PHACTR2: variants seen among roughly 807,000 people sequenced by gnomAD.
PHACTR2 encodes the protein chromosome 6 open reading frame 56.
In PHACTR2, 30 loss-of-function variants were observed where a neutral mutation model predicts 76.0. That is an observed-to-expected ratio of 0.39 (90% CI 0.30 to 0.54). The LOEUF is 0.54. Among genes scored for constraint, PHACTR2 ranks in the 20% least tolerant of loss-of-function variants. The pLI is 0.61. For synonymous variants in PHACTR2, 292 were observed against 292.5 expected, an observed-to-expected ratio of 1.00 and a Z score of 0.02; for missense variants, 696 against 781.1, an observed-to-expected ratio of 0.89 and a Z score of 1.30.
At position 143,678,024 on chromosome 6, in the gene PHACTR2, G is replaced by A; in HGVS notation, c.-140G>A. ...CCGGCCGGGCTGGGAGACCCGCGCG[G>A]GGTAGAAGGTGAGGGGACCCGGCGG... On this transcript the variant is annotated 5_prime_UTR_variant, in exon 1 of 13. Coordinates refer to ENST00000440869, the MANE Select transcript of PHACTR2 (RefSeq NM_001100164.2). This position sits in a 1 kb window ranked among gnomAD's most constrained non-coding sequence, Gnocchi z 6.2. 1.3e-6 allele frequency: 2 copies of A among 1,506,320 alleles called. No individual in the cohort carries two copies. Among genetic ancestry groups the A allele is most frequent in the South Asian group, 2.5e-5 (2 of 80,892 alleles). The allele number at this position is 1,506,320 out of a possible 1,614,324, so 93.3% of individuals were successfully genotyped here. A position where few individuals can be genotyped will look rare whatever the true frequency, so the allele number is the denominator to read the frequency against.
At chr6:143,613,912 G>C (rs1776020336) in intron 1 of PHACTR2, among the ~76,000 whole-genome samples, 1 of 152,076 alleles carries the variant, frequency 6.6e-6, no homozygotes, top group African/African-American at 2.4e-5. Flanking sequence ...CATTCAACAG[G>C]TTTCTTAGCA....
At position 143,708,423 on chromosome 6, in the gene PHACTR2, T is replaced by G. The variant is rs552810766; in HGVS notation, c.47-3593T>G. Among the ~76,000 whole-genome samples the G allele has an allele frequency of 6.6e-6, 1 of 152,226 alleles. No individual in the cohort carries two copies. The highest frequency in any genetic ancestry group is 1.5e-5 in the Non-Finnish European group (1 of 68,034). ...AGGTAAGTTCTGATGAATGACAAGT[T>G]ACTCTTAGTAACATAAAAATGGATC... On this transcript the variant is annotated intron_variant, in intron 1 of 12. Coordinates refer to ENST00000440869, the MANE Select transcript of PHACTR2 (RefSeq NM_001100164.2). The surrounding 1 kb of genome is among the most constrained non-coding windows in gnomAD (Gnocchi z 5.5).
chr6:143,676,009 C>A (rs1291029258), upstream of PHACTR2, among the ~76,000 whole-genome samples: 1 of 152,176 alleles, frequency 6.6e-6, no homozygotes, highest in Admixed American at 6.5e-5. The surrounding 1 kb of genome is among the most constrained non-coding windows in gnomAD (Gnocchi z 4.8). Context: ...AAAAAGGCCA[C>A]TTAAATGCCA....
Position 143,775,300 on chromosome 6 carries a change from C to A in PHACTR2, c.1589+1085C>A, listed in dbSNP as rs1459972149. ...CTCTGTTCTGTAAACCCTCTTGCGA[C>A]TCTGGAAGAAATTTGGGAATGTTTA... On this transcript the variant is annotated intron_variant, in intron 8 of 12. Coordinates refer to ENST00000440869, the MANE Select transcript of PHACTR2 (RefSeq NM_001100164.2). This position sits in a 1 kb window ranked among gnomAD's most constrained non-coding sequence, Gnocchi z 4.4. 6.6e-6 allele frequency among the ~76,000 whole-genome samples: 1 copy of A among 152,184 alleles called. No homozygotes were observed. Among genetic ancestry groups the A allele is most frequent in the Non-Finnish European group, 1.5e-5 (1 of 68,034 alleles).
Position 143,782,478 on chromosome 6 carries a change from G to C in PHACTR2, c.1646-741G>C, listed in dbSNP as rs1775454821. 3.9e-5 allele frequency among the ~76,000 whole-genome samples: 6 copies of C among 152,042 alleles called. 1 individual carries two copies. In the South Asian group the frequency reaches 1.2e-3, roughly 32 times the overall value. On this transcript the variant is annotated intron_variant, in intron 9 of 12. Transcript: ENST00000440869. The surrounding 1 kb of genome is among the most constrained non-coding windows in gnomAD (Gnocchi z 4.6). The stretch of plus-strand genomic sequence containing the variant: ...AGCAACAACCAGCAAAACCTGAAGG[G>C]GTGTTTATTTCTTTAAAAATTTTGG...
intron 1 of PHACTR2, among the ~76,000 whole-genome samples, chr6:143,600,674 T>G (rs986802482): frequency 6.6e-6 from 1 of 152,256 alleles, no homozygotes; most frequent in African/African-American, 2.4e-5. Context: ...TTACAGGCAG[T>G]AATTCTACCA....
intron 5 of PHACTR2, among the ~76,000 whole-genome samples, chr6:143,763,549 G>T (rs1424827895): frequency 1.3e-5 from 2 of 152,146 alleles, no homozygotes; most frequent in African/African-American, 4.8e-5. Flanking sequence ...TGACTTCTAG[G>T]CTAGGGAAGG....
rs538401954 is a variant in PHACTR2 at position 143,816,916 on chromosome 6, A to C, written c.1923-6758A>C. On this transcript the variant is annotated intron_variant, in intron 12 of 12. Transcript: ENST00000440869. This position sits in a 1 kb window ranked among gnomAD's most constrained non-coding sequence, Gnocchi z 4.5. The stretch of plus-strand genomic sequence containing the variant: ...TGCTGTCTCTACAAAAAATACAAAA[A>C]TTAGCCAAGTGTGGTGGCGAGTGCC... Among the ~76,000 whole-genome samples, 7 of 152,030 alleles carry C rather than the reference A, an allele frequency of 4.6e-5. No individual in the cohort carries two copies. The highest frequency in any genetic ancestry group is 1.7e-4 in the African/African-American group (7 of 41,448).
At position 143,696,348 on chromosome 6, in the gene PHACTR2, C is replaced by T. The variant is rs1777769330; in HGVS notation, c.47-15668C>T. 1.3e-5 allele frequency among the ~76,000 whole-genome samples: 2 copies of T among 152,116 alleles called. No individual in the cohort carries two copies. Among genetic ancestry groups the T allele is most frequent in the Non-Finnish European group, 1.5e-5 (1 of 68,024 alleles). On this transcript the variant is annotated intron_variant, in intron 1 of 12. Coordinates refer to ENST00000440869, the MANE Select transcript of PHACTR2 (RefSeq NM_001100164.2). This position sits in a 1 kb window ranked among gnomAD's most constrained non-coding sequence, Gnocchi z 4.1. ...GGGGGCATTTTTGTTTTCCTGGAGA[C>T]CTCTAGAAGACCAGGAAAATATTTT...
chr6:143,790,904 C>A (rs767005513), intron 11 of PHACTR2, among the ~76,000 whole-genome samples: 91 of 152,158 alleles, frequency 6.0e-4, no homozygotes, highest in Middle Eastern at 3.2e-3. Flanking sequence ...GTCTCCATCT[C>A]CTGACATTGT....
chr6:143,678,099 C>G lies in PHACTR2; in HGVS notation c.-65C>G. 6.5e-7 allele frequency: 1 copy of G among 1,544,376 alleles called. No homozygotes were observed. Among genetic ancestry groups the G allele is most frequent in the Non-Finnish European group, 8.7e-7 (1 of 1,144,232 alleles). ...GAACGCCTGGAAGTCTGGCTGGGAG[C>G]GGACCCATGATCGAAGGACCAAAGG... On this transcript the variant is annotated 5_prime_UTR_variant, in exon 1 of 13. Coordinates refer to ENST00000440869, the MANE Select transcript of PHACTR2 (RefSeq NM_001100164.2). This position sits in a 1 kb window ranked among gnomAD's most constrained non-coding sequence, Gnocchi z 6.2.
chr6:143,660,973 C>A (rs1253552470), intron 1 of PHACTR2, among the ~76,000 whole-genome samples: 2 of 152,152 alleles, frequency 1.3e-5, no homozygotes, highest in East Asian at 3.9e-4. Context: ...GAAAAATAAC[C>A]CACAAATTTT....
rs1029725428 is a variant in PHACTR2 at position 143,776,749 on chromosome 6, T to C, written c.1590-579T>C. ...GATGCTGTGCCTGGCCAGGTAATCT[T>C]AATATTACTGTCACATGACACTCCC... is the stretch of plus-strand genomic sequence containing the variant. On this transcript the variant is annotated intron_variant, in intron 8 of 12. Coordinates refer to ENST00000440869, the MANE Select transcript of PHACTR2 (RefSeq NM_001100164.2). The surrounding 1 kb of genome is among the most constrained non-coding windows in gnomAD (Gnocchi z 5.3). 2.6e-5 allele frequency among the ~76,000 whole-genome samples: 4 copies of C among 152,314 alleles called. No individual in the cohort carries two copies. The highest frequency in any genetic ancestry group is 9.6e-5 in the African/African-American group (4 of 41,568).
At position 143,537,344 on chromosome 6, in the gene PHACTR2, G is replaced by A. The variant is rs1781127210; in HGVS notation, c.217+137G>A. On this transcript the variant is annotated intron_variant, in intron 1 of 11. Transcript: ENST00000367584. This position sits in a 1 kb window ranked among gnomAD's most constrained non-coding sequence, Gnocchi z 4.4. ...CGGGGTGGGGGTGGGGGACAGGGGA[G>A]GGCGGAGGCTGAACTCCCCACACTG... 6.2e-6 allele frequency: 1 copy of A among 162,102 alleles called. No individual in the cohort carries two copies. The highest frequency in any genetic ancestry group is 2.0e-4 in the South Asian group (1 of 4,932). The allele number at this position is 162,102 out of a possible 1,614,324, so 10.0% of individuals were successfully genotyped here.
intron 2 of PHACTR2, among the ~76,000 whole-genome samples, chr6:143,723,538 A>G (rs1778489384): frequency 6.6e-6 from 1 of 152,150 alleles, no homozygotes; most frequent in Admixed American, 6.6e-5. Context: ...GGGTCTCATG[A>G]ATCCTCCTTG....
intron 6 of PHACTR2, among the ~76,000 whole-genome samples, chr6:143,768,609 A>C (rs1279761002): frequency 1.3e-5 from 2 of 152,240 alleles, no homozygotes; most frequent in Non-Finnish European, 2.9e-5. Flanking sequence ...TAAGGAGTTC[A>C]TTTTATTGTG....
At chr6:143,712,678 T>A (rs968197668) in intron 2 of PHACTR2, among the ~76,000 whole-genome samples, 2 of 152,182 alleles carry the variant, frequency 1.3e-5, no homozygotes, top group African/African-American at 4.8e-5. Flanking sequence ...TATTTTTTGA[T>A]GTATTTATTC....
Position 143,807,140 on chromosome 6 carries a change from G to T in PHACTR2, c.1922+7G>T. On this transcript the variant is annotated splice_region_variant and intron_variant, in intron 12 of 12. Transcript: ENST00000440869. The surrounding 1 kb of genome is among the most constrained non-coding windows in gnomAD (Gnocchi z 5.5). ...AGAGTCGACAGTTTACAAGGTAGGT[G>T]ACAAAATGCAGCTTAGAAATTGAAA... is the stretch of plus-strand genomic sequence containing the variant. 1 of 1,557,234 alleles carries T rather than the reference G, an allele frequency of 6.4e-7. No homozygotes were observed. Among genetic ancestry groups the T allele is most frequent in the Non-Finnish European group, 8.8e-7 (1 of 1,135,122 alleles).
intron 1 of PHACTR2, among the ~76,000 whole-genome samples, chr6:143,705,719 T>C (rs1334789541): frequency 6.6e-6 from 1 of 152,194 alleles, no homozygotes; most frequent in Non-Finnish European, 1.5e-5. Flanking sequence ...ATTCTCCTTA[T>C]ATCATATCAA....
Sources: allele counts gnomAD v4.1 joint callset (sites outside exome capture counted in the v4.1 genomes callset), GRCh38; gene constraint gnomAD v4.1.1; non-coding constraint Gnocchi (gnomAD v3.1); transcripts MANE v1.5; gene names NCBI Gene and HGNC (gene_info 2026-07-23, HGNC 2026-07-21).